The following DLG1 variants were observed in gnomAD, a reference collection of about 807,000 sequenced individuals.
DLG1 encodes the protein disks large homolog 1.
A neutral mutation model predicts 123.4 loss-of-function variants in DLG1; 42 were observed. The ratio of observed to expected loss-of-function variants is 0.34; its 90% CI spans 0.27 to 0.44. The LOEUF is 0.44. DLG1 is among the 20% of genes least tolerant of loss of function. The pLI, the probability that DLG1 is intolerant of heterozygous loss-of-function variation, is 1.00. For synonymous variants in DLG1, 317 were observed against 356.2 expected, an observed-to-expected ratio of 0.89 and a Z score of 1.24; for missense variants, 942 against 1,082.6, an observed-to-expected ratio of 0.87 and a Z score of 1.82.
intron 14 of DLG1, among the ~76,000 whole-genome samples, chr3:197,098,830 C>T (rs1261626349): frequency 2.6e-5 from 4 of 152,210 alleles, no homozygotes; most frequent in Admixed American, 2.6e-4. Context: ...TTGCGCCTGG[C>T]CAAGTCTTTG....
chr3:197,148,124 C>T (rs1577079731), intron 6 of DLG1, among the ~76,000 whole-genome samples: 1 of 151,176 alleles, frequency 6.6e-6, no homozygotes, highest in Non-Finnish European at 1.5e-5. Flanking sequence ...ACTGGCTGGG[C>T]ATGATGGCTC....
chr3:197,160,368 T>TAAA (rs11461979), intron 5 of DLG1, among the ~76,000 whole-genome samples: 4 of 141,780 alleles, frequency 2.8e-5, no homozygotes, highest in Non-Finnish European at 6.2e-5. Context: ...TCAATTCTAT[T>TAAA]AAAAAAAAAA....
intron 5 of DLG1, chr3:197,183,501 T>G (rs1713808302): frequency 7.6e-7 from 1 of 1,323,920 alleles, no homozygotes. Flanking sequence ...ATAAAAAATC[T>G]ATATTAAGAC....
At chr3:197,274,044 G>C (rs1054230000) in intron 4 of DLG1, among the ~76,000 whole-genome samples, 3 of 152,076 alleles carry the variant, frequency 2.0e-5, no homozygotes, top group Non-Finnish European at 4.4e-5. Flanking sequence ...GCAATATACA[G>C]ATTCAATGCA....
chr3:197,114,094 A>G (rs1771673458), intron 13 of DLG1, among the ~76,000 whole-genome samples: 4 of 152,236 alleles, frequency 2.6e-5, no homozygotes, highest in African/African-American at 9.6e-5. Flanking sequence ...ACAGACATGA[A>G]AAACAGATTC....
chr3:197,109,413 C>T (rs2149348722), intron 13 of DLG1, among the ~76,000 whole-genome samples: 1 of 152,302 alleles, frequency 6.6e-6, no homozygotes, highest in South Asian at 2.1e-4. Context: ...AACCTAGTTT[C>T]TTTACCCGCC....
At chr3:197,278,323 A>G (rs1767541726) in intron 4 of DLG1, among the ~76,000 whole-genome samples, 2 of 137,872 alleles carry the variant, frequency 1.5e-5, no homozygotes, top group African/African-American at 2.7e-5. Flanking sequence ...AAATGATTTT[A>G]GCTGGGTGTG....
At chr3:197,052,315 T>C (rs1480949761) in intron 23 of DLG1, among the ~76,000 whole-genome samples, 1 of 151,548 alleles carries the variant, frequency 6.6e-6, no homozygotes, top group Non-Finnish European at 1.5e-5. Flanking sequence ...ATTAGCTGGG[T>C]GTGGTGGCGC....
intron 11 of DLG1, among the ~76,000 whole-genome samples, chr3:197,125,439 G>A (rs1490659329): frequency 1.3e-5 from 2 of 152,162 alleles, no homozygotes; most frequent in Non-Finnish European, 2.9e-5. Context: ...ACTTGAAGAT[G>A]TGCAATGAAG....
intron 5 of DLG1, chr3:197,183,528 C>T (rs545134349): frequency 1.2e-4 from 178 of 1,502,150 alleles, no homozygotes; most frequent in Non-Finnish European, 1.5e-4. Context: ...ACAGAGCAAA[C>T]GTAAACAGAA....
chr3:197,044,728 A>C lies in DLG1; in HGVS notation c.2577T>G (p.Ala859=). Residue 859 remains alanine, a splice_region_variant and synonymous_variant, in exon 25 of 25, where the codon GCT becomes GCG. Transcript: ENST00000667157. ...LEQEFTEHFT[A]IVQGDTLEDI... ...CTTCCAGCGTATCCCCCTGTACAAT[A>C]GCTGTAATGATAGAAACAAAATCAG... 1 of 1,527,764 alleles carries C rather than the reference A, an allele frequency of 6.5e-7. No individual in the cohort carries two copies. The highest frequency in any genetic ancestry group is 8.9e-7 in the Non-Finnish European group (1 of 1,128,550). 94.6% of individuals were successfully genotyped at this position (1,527,764 alleles called of 1,614,324 possible). A position where few individuals can be genotyped will look rare whatever the true frequency, so the allele number is the denominator to read the frequency against.
At chr3:197,207,405 G>T (rs1475256893) in intron 4 of DLG1, among the ~76,000 whole-genome samples, 1 of 152,156 alleles carries the variant, frequency 6.6e-6, no homozygotes, top group African/African-American at 2.4e-5. Context: ...TTGGCAGAAA[G>T]AATCAAGTCA....
Position 197,076,860 on chromosome 3 carries a change from T to C in DLG1, c.1906-175A>G, listed in dbSNP as rs185935283. ...TCTACTTTTGTATAAATTCTAACATTTTGCAACTGAAAATACTTAAGAATT... is the reference window on the plus strand; with the variant it reads ...TCTACTTTTGTATAAATTCTAACATCTTGCAACTGAAAATACTTAAGAATT... On this transcript the variant is annotated intron_variant, in intron 17 of 24. Transcript: ENST00000667157. Among the ~76,000 whole-genome samples the C allele has an allele frequency of 1.2e-4, 19 of 152,298 alleles. No individual in the cohort carries two copies. The East Asian group carries it at 2.7e-3, about 22-fold the overall frequency.
At chr3:197,096,737 G>A (rs1215392922) in intron 14 of DLG1, among the ~76,000 whole-genome samples, 2 of 151,588 alleles carry the variant, frequency 1.3e-5, no homozygotes, top group East Asian at 1.9e-4. Flanking sequence ...GTTGTTCTTC[G>A]ACATACTCTA....
intron 4 of DLG1, among the ~76,000 whole-genome samples, chr3:197,280,019 T>A (rs1295581524): frequency 6.6e-6 from 1 of 152,160 alleles, no homozygotes; most frequent in Non-Finnish European, 1.5e-5. Flanking sequence ...TCTAAACCAT[T>A]CTGAAATAGA....
In DLG1 at chr3:197,060,102, C is replaced by T. The variant is rs183749487; in HGVS notation, c.2374-104G>A. On this transcript the variant is annotated intron_variant, in intron 22 of 24. Coordinates refer to ENST00000667157, the MANE Select transcript of DLG1 (RefSeq NM_001366207.1). ...CCACAGTCTAAATCATGATCTGTTT[C>T]GATCCTTGTTCACTTTTAGTAAACT... is the stretch of plus-strand genomic sequence containing the variant. 1.6e-4 allele frequency: 115 copies of T among 703,294 alleles called. No homozygotes were observed. In the Middle Eastern group the frequency reaches 1.7e-3, roughly 10 times the overall value. The allele number at this position is 703,294 out of a possible 1,614,324, so 43.6% of individuals were successfully genotyped here.
chr3:197,167,382 G>T (rs1190968557), intron 5 of DLG1, among the ~76,000 whole-genome samples: 1 of 152,148 alleles, frequency 6.6e-6, no homozygotes, highest in Non-Finnish European at 1.5e-5. Flanking sequence ...TCATACAAAA[G>T]TGTCTCCTTT....
At chr3:197,281,336 AGC>A (rs756855260) in intron 4 of DLG1, among the ~76,000 whole-genome samples, 7 of 151,906 alleles carry the variant, frequency 4.6e-5, no homozygotes, top group Non-Finnish European at 7.4e-5. Flanking sequence ...ACCGTGCCCA[AGC>A]TGTGGAGGCT....
chr3:197,227,143 A>C (rs1740364865), intron 4 of DLG1, among the ~76,000 whole-genome samples: 1 of 152,160 alleles, frequency 6.6e-6, no homozygotes, highest in South Asian at 2.1e-4. Flanking sequence ...GGTTGTTCTA[A>C]GTACTACATC....
Sources: allele counts gnomAD v4.1 joint callset (sites outside exome capture counted in the v4.1 genomes callset), GRCh38; gene constraint gnomAD v4.1.1; transcripts MANE v1.5; gene names NCBI Gene and HGNC (gene_info 2026-07-23, HGNC 2026-07-21).